Variants in RBFOX1 observed in about 807,000 individuals in gnomAD.
RBFOX1 encodes the protein RNA binding protein fox-1 homolog 1.
In RBFOX1, 8 loss-of-function variants were observed where a neutral mutation model predicts 57.7. The observed-to-expected ratio is 0.14, with a 90% CI of 0.08 to 0.25. The LOEUF (loss-of-function observed/expected upper bound fraction) is 0.25, where lower values mean the gene tolerates loss of function less well. Among genes scored for constraint, RBFOX1 ranks in the 10% least tolerant of loss-of-function variants. The pLI is 1.00. For synonymous variants in RBFOX1, 326 were observed against 222.4 expected, an observed-to-expected ratio of 1.47 and a Z score of -4.15; for missense variants, 611 against 548.5, an observed-to-expected ratio of 1.11 and a Z score of -1.14.
chr16:5,883,621 G>A (rs2057822285), intron 4 of RBFOX1, among the ~76,000 whole-genome samples: 3 of 152,218 alleles, frequency 2.0e-5, no homozygotes, highest in Admixed American at 6.5e-5. Flanking sequence ...GTTGGCCCAA[G>A]GCTGAGAGCA....
intron 2 of RBFOX1, among the ~76,000 whole-genome samples, chr16:6,458,610 G>A (rs566972507): frequency 9.9e-5 from 15 of 152,276 alleles, no homozygotes; most frequent in South Asian, 2.1e-4. Context: ...ATCCAGTATC[G>A]TTTCCTAAGT....
intron 2 of RBFOX1, among the ~76,000 whole-genome samples, chr16:6,442,239 C>G: frequency 6.6e-6 from 1 of 152,094 alleles, no homozygotes; most frequent in East Asian, 1.9e-4. Flanking sequence ...CACATCCACT[C>G]GAATGTTTGT....
chr16:6,461,679 A>G (rs2094924852), intron 2 of RBFOX1, among the ~76,000 whole-genome samples: 1 of 152,226 alleles, frequency 6.6e-6, no homozygotes, highest in African/African-American at 2.4e-5. Flanking sequence ...GTTTTGACAG[A>G]AATCTTTAAT....
chr16:7,170,904 C>G (rs1466362271), intron 4 of RBFOX1, among the ~76,000 whole-genome samples: 1 of 152,192 alleles, frequency 6.6e-6, no homozygotes, highest in Non-Finnish European at 1.5e-5. Flanking sequence ...CAGCTCTGCT[C>G]TCAGCCATCT....
intron 3 of RBFOX1, among the ~76,000 whole-genome samples, chr16:6,912,819 T>A (rs2072037344): frequency 1.3e-5 from 2 of 151,890 alleles, no homozygotes; most frequent in Admixed American, 6.6e-5. Flanking sequence ...TTTGTCCCAC[T>A]GTGTTGCCCA....
chr16:6,278,369 G>A, intron 1 of RBFOX1, among the ~76,000 whole-genome samples: 1 of 75,268 alleles, frequency 1.3e-5, no homozygotes, highest in African/African-American at 5.4e-5. Context: ...GGAAATTGTA[G>A]GACTCACCAA....
intron 4 of RBFOX1, among the ~76,000 whole-genome samples, chr16:7,184,517 G>T (rs1223857136): frequency 1.3e-5 from 2 of 152,174 alleles, no homozygotes; most frequent in Non-Finnish European, 1.5e-5. Flanking sequence ...CCTGTCTCAT[G>T]GTCAAAAGTT....
At chr16:7,540,921 A>G (rs547925539) in intron 5 of RBFOX1, among the ~76,000 whole-genome samples, 1 of 152,160 alleles carries the variant, frequency 6.6e-6, no homozygotes, top group South Asian at 2.1e-4. Flanking sequence ...TACCACTAAA[A>G]CCTGTGTCTT....
intron 2 of RBFOX1, among the ~76,000 whole-genome samples, chr16:6,397,751 A>G (rs527733362): frequency 1.3e-5 from 2 of 152,216 alleles, no homozygotes; most frequent in African/African-American, 2.4e-5. Flanking sequence ...GTGAAGCAAA[A>G]CTATACTGTT....
chr16:7,548,546 C>T (rs1427088701), intron 5 of RBFOX1, among the ~76,000 whole-genome samples: 1 of 152,238 alleles, frequency 6.6e-6, no homozygotes, highest in East Asian at 1.9e-4. Flanking sequence ...TCAAGGAACT[C>T]ATCCTAGTCT....
rs1006097057 is a variant in RBFOX1 at position 6,665,637 on chromosome 16, AAAG to A, written c.-16+10994_-16+10996del. ...TGAAACTCCATCTCCAAAAAAAAAA[AAAG>A]AAGAAGGAGGGAGTGTCACCTAATG... On this transcript the variant is annotated intron_variant, in intron 3 of 15. Transcript: ENST00000550418. Among the ~76,000 whole-genome samples the A allele has an allele frequency of 3.8e-4, 49 of 130,352 alleles. 1 individual carries two copies. Among genetic ancestry groups the A allele is most frequent in the African/African-American group, 1.2e-3 (44 of 35,576 alleles). 85.5% of individuals were successfully genotyped at this position (130,352 alleles called of 152,430 possible).
At chr16:7,413,196 G>T (rs1331377158) in intron 4 of RBFOX1, among the ~76,000 whole-genome samples, 2 of 152,094 alleles carry the variant, frequency 1.3e-5, no homozygotes, top group Non-Finnish European at 2.9e-5. Context: ...GCTTTTCCCA[G>T]GACACACCAT....
intron 3 of RBFOX1, among the ~76,000 whole-genome samples, chr16:6,674,994 C>T (rs1286332089): frequency 1.3e-5 from 2 of 152,262 alleles, no homozygotes; most frequent in East Asian, 3.9e-4. Flanking sequence ...CAACCTCTGC[C>T]TCCCAGGTTC....
chr16:5,415,285 C>G (rs2067132022), intron 1 of RBFOX1, among the ~76,000 whole-genome samples: 3 of 152,120 alleles, frequency 2.0e-5, no homozygotes, highest in Admixed American at 2.0e-4. Flanking sequence ...CAGGAGAGAG[C>G]AAGAATGAGG....
At chr16:6,584,931 C>T (rs934568038) in intron 2 of RBFOX1, among the ~76,000 whole-genome samples, 1 of 152,170 alleles carries the variant, frequency 6.6e-6, no homozygotes. Flanking sequence ...GCGTTGAAAA[C>T]CAGTGACAAC....
chr16:5,846,459 G>C (rs1213748999), intron 3 of RBFOX1, among the ~76,000 whole-genome samples: 2 of 152,134 alleles, frequency 1.3e-5, no homozygotes, highest in Non-Finnish European at 2.9e-5. Flanking sequence ...AGTGTTCACT[G>C]AGTGTGCCAA....
At chr16:5,960,288 A>G (rs953848505) in intron 4 of RBFOX1, among the ~76,000 whole-genome samples, 5 of 152,210 alleles carry the variant, frequency 3.3e-5, no homozygotes, top group South Asian at 2.1e-4. Flanking sequence ...AATTATTACC[A>G]TAACTCATTT....
At chr16:5,305,872 C>G (rs938008682) in intron 1 of RBFOX1, among the ~76,000 whole-genome samples, 10 of 151,900 alleles carry the variant, frequency 6.6e-5, no homozygotes, top group African/African-American at 2.4e-4. Flanking sequence ...AGTCTGGGAA[C>G]ATAGTGAGAC....
At chr16:6,061,185 G>C (rs2095681601) in intron 1 of RBFOX1, among the ~76,000 whole-genome samples, 1 of 152,092 alleles carries the variant, frequency 6.6e-6, no homozygotes, top group African/African-American at 2.4e-5. Context: ...CAGATACAGG[G>C]GTGGATTCTA....
Sources: allele counts gnomAD v4.1 joint callset (sites outside exome capture counted in the v4.1 genomes callset), GRCh38; gene constraint gnomAD v4.1.1; transcripts MANE v1.5; gene names NCBI Gene and HGNC (gene_info 2026-07-23, HGNC 2026-07-21).